The following MYO1D variants were observed in gnomAD, a reference collection of about 807,000 sequenced individuals.
The protein encoded by MYO1D is myosin ID, also known as unconventional myosin-Id.
A neutral mutation model predicts 122.0 loss-of-function variants in MYO1D; 83 were observed. That is an observed-to-expected ratio of 0.68 (90% CI 0.57 to 0.82). MYO1D has a LOEUF of 0.82. Ranked by LOEUF, MYO1D falls within the 40% of genes least tolerant of loss-of-function variation. MYO1D has a pLI of 0.00. For missense variants in MYO1D, 1,157 were observed against 1,269.5 expected, an observed-to-expected ratio of 0.91 and a Z score of 1.35; for synonymous variants, 464 against 446.9, an observed-to-expected ratio of 1.04 and a Z score of -0.48.
At chr17:32,595,684 G>C (rs2087484791) in intron 21 of MYO1D, among the ~76,000 whole-genome samples, 1 of 152,118 alleles carries the variant, frequency 6.6e-6, no homozygotes, top group African/African-American at 2.4e-5. Flanking sequence ...TTATTTACAG[G>C]GAACCTTCTG....
At chr17:32,734,424 C>T (rs930935707) in intron 14 of MYO1D, among the ~76,000 whole-genome samples, 22 of 152,112 alleles carry the variant, frequency 1.4e-4, no homozygotes, top group African/African-American at 5.1e-4. Flanking sequence ...TGTTCCATTA[C>T]TTTAAAGTTT....
chr17:32,788,234 TA>T (rs143929448), intron 1 of MYO1D, among the ~76,000 whole-genome samples: 189 of 152,320 alleles, frequency 1.2e-3, no homozygotes, highest in African/African-American at 3.4e-3. Context: ...CAATATCTGT[TA>T]TTTTTTTATT....
intron 16 of MYO1D, among the ~76,000 whole-genome samples, chr17:32,676,414 T>G (rs2088810352): frequency 6.6e-6 from 1 of 152,076 alleles, no homozygotes; most frequent in Non-Finnish European, 1.5e-5. Context: ...AAGGGCTTTT[T>G]GTATATGAAA....
chr17:32,530,558 T>C (rs1462586782), intron 21 of MYO1D, among the ~76,000 whole-genome samples: 1 of 152,210 alleles, frequency 6.6e-6, no homozygotes, highest in Non-Finnish European at 1.5e-5. Context: ...CCCTGCACTT[T>C]GGGAGGCCGA....
intron 1 of MYO1D, among the ~76,000 whole-genome samples, chr17:32,791,363 C>CA (rs60741553): frequency 0.067 from 2,909 of 43,304 alleles, 26 homozygotes; most frequent in Non-Finnish European, 0.099. Flanking sequence ...GACTCCGTCT[C>CA]AAAAAAAAAA....
chr17:32,790,781 G>A (rs1045126213), intron 1 of MYO1D, among the ~76,000 whole-genome samples: 7 of 152,242 alleles, frequency 4.6e-5, no homozygotes, highest in African/African-American at 1.7e-4. Context: ...AGAGAGAGAA[G>A]AGGGAGAGAG....
chr17:32,835,465 C>G lies in MYO1D; in HGVS notation c.95+41313G>C, dbSNP rs531930442. 2.0e-5 allele frequency among the ~76,000 whole-genome samples: 3 copies of G among 152,274 alleles called. No homozygotes were observed. In the South Asian group the frequency reaches 6.2e-4, roughly 32 times the overall value. ...CGGATACTCTATGCTTAGTAGAGGG[C>G]CTACAACAGAAATGCACTCAATAAA... On this transcript the variant is annotated intron_variant, in intron 1 of 21. Transcript: ENST00000318217.
At chr17:32,524,536 A>C (rs1910271314) in intron 21 of MYO1D, among the ~76,000 whole-genome samples, 1 of 149,802 alleles carries the variant, frequency 6.7e-6, no homozygotes. Context: ...GGGACCACAC[A>C]GGTGGGTGCC....
At chr17:32,713,865 C>T (rs2089409736) in intron 15 of MYO1D, among the ~76,000 whole-genome samples, 1 of 152,106 alleles carries the variant, frequency 6.6e-6, no homozygotes, top group African/African-American at 2.4e-5. Flanking sequence ...CTCAAGTGAT[C>T]TGCCCGCCTT....
chr17:32,794,664 T>C (rs1168423270), intron 1 of MYO1D, among the ~76,000 whole-genome samples: 1 of 151,976 alleles, frequency 6.6e-6, no homozygotes, highest in African/African-American at 2.4e-5. Context: ...TAGAATGCAC[T>C]GTACTGGTGG....
At chr17:32,652,174 G>A (rs1284584256) in intron 19 of MYO1D, among the ~76,000 whole-genome samples, 2 of 152,172 alleles carry the variant, frequency 1.3e-5, no homozygotes, top group Non-Finnish European at 2.9e-5. Context: ...TAAGTGGTAT[G>A]AGAATTTTAA....
At chr17:32,694,815 C>T (rs1390600127) in intron 16 of MYO1D, among the ~76,000 whole-genome samples, 1 of 151,922 alleles carries the variant, frequency 6.6e-6, no homozygotes. Context: ...ATAGGCACCT[C>T]GAACACATCA....
intron 10 of MYO1D, chr17:32,756,168 AT>A (rs1312335038): frequency 3.6e-5 from 8 of 222,282 alleles, no homozygotes; most frequent in African/African-American, 1.8e-4. Flanking sequence ...CAATATGTTC[AT>A]AACGATGGCT....
chr17:32,519,616 C>T (rs1910042365), intron 21 of MYO1D, among the ~76,000 whole-genome samples: 1 of 151,682 alleles, frequency 6.6e-6, no homozygotes. Context: ...CCCCGCAGCC[C>T]CGGCCGGCCG....
At chr17:32,636,508 A>G (rs149249663) in intron 20 of MYO1D, among the ~76,000 whole-genome samples, 173 of 152,328 alleles carry the variant, frequency 1.1e-3, no homozygotes, top group African/African-American at 4.1e-3. Flanking sequence ...GAAGTTCCCC[A>G]TCACATCGAA....
intron 20 of MYO1D, among the ~76,000 whole-genome samples, chr17:32,637,768 A>C (rs182906511): frequency 6.6e-6 from 1 of 152,124 alleles, no homozygotes; most frequent in Non-Finnish European, 1.5e-5. Context: ...TGTGTGTGTG[A>C]GGGGGTTGGG....
chr17:32,563,270 C>T (rs1010729522), intron 21 of MYO1D, among the ~76,000 whole-genome samples: 2 of 132,546 alleles, frequency 1.5e-5, no homozygotes, highest in Admixed American at 8.9e-5. Context: ...AGCGTAGTGG[C>T]ACAATCCTGG....
intron 1 of MYO1D, among the ~76,000 whole-genome samples, chr17:32,857,323 T>C (rs181394401): frequency 2.3e-3 from 348 of 152,284 alleles, no homozygotes; most frequent in Non-Finnish European, 4.1e-3. Flanking sequence ...CGGTGGCTCA[T>C]GCCTGTAATC....
intron 16 of MYO1D, among the ~76,000 whole-genome samples, chr17:32,665,553 A>C (rs938539359): frequency 2.0e-5 from 3 of 152,170 alleles, no homozygotes; most frequent in African/African-American, 7.2e-5. Context: ...ATTTCTTTTA[A>C]AAGCATGTTG....
Sources: gnomAD v4.1 joint callset for allele counts (sites outside exome capture counted in the v4.1 genomes callset) on GRCh38, gnomAD v4.1.1 for gene constraint, MANE v1.5 for transcripts, NCBI Gene and HGNC (gene_info 2026-07-23, HGNC 2026-07-21) for gene names.